The following PRTG variants were observed in gnomAD, a reference collection of about 807,000 sequenced individuals.
PRTG encodes immunoglobulin superfamily, DCC subclass, member 5.
In PRTG, 67 loss-of-function variants were observed where a neutral mutation model predicts 122.5. That is an observed-to-expected ratio of 0.55 (90% CI 0.45 to 0.67). PRTG has a LOEUF of 0.67. PRTG is among the 30% of genes least tolerant of loss of function. The probability of loss-of-function intolerance (pLI) is 0.00; values close to 1 mark genes in which losing one functional copy is unlikely to be tolerated. For missense variants in PRTG, 1,435 were observed against 1,415.4 expected, an observed-to-expected ratio of 1.01 and a Z score of -0.22; for synonymous variants, 554 against 501.1, an observed-to-expected ratio of 1.11 and a Z score of -1.41.
intron 11 of PRTG, among the ~76,000 whole-genome samples, chr15:55,669,587 C>G (rs1301901233): frequency 1.3e-5 from 2 of 152,214 alleles, no homozygotes; most frequent in East Asian, 3.8e-4. Context: ...TTGACTGCTA[C>G]AAGTTTGGCA....
At chr15:55,669,256 T>C (rs540818663) in intron 11 of PRTG, among the ~76,000 whole-genome samples, 30 of 152,256 alleles carry the variant, frequency 2.0e-4, no homozygotes, top group Non-Finnish European at 3.5e-4. Flanking sequence ...CAAATTGACA[T>C]TGAATCAGCA....
chr15:55,703,462 G>A (rs1380829861), intron 2 of PRTG, among the ~76,000 whole-genome samples: 2 of 152,032 alleles, frequency 1.3e-5, no homozygotes, highest in Non-Finnish European at 1.5e-5. Context: ...TGGGTTCCCA[G>A]GACCAGATTA....
At chr15:55,638,837 T>C (rs913462238) in intron 13 of PRTG, among the ~76,000 whole-genome samples, 161 bp from the exon 14 acceptor site, 3 of 152,196 alleles carry the variant, frequency 2.0e-5, no homozygotes, top group African/African-American at 4.8e-5. Flanking sequence ...AATTGGACTT[T>C]AAAAAATACT....
chr15:55,637,642 A>G (rs941806100), intron 14 of PRTG, among the ~76,000 whole-genome samples: 4 of 152,162 alleles, frequency 2.6e-5, no homozygotes, highest in African/African-American at 4.8e-5. Flanking sequence ...TTCCACAAAC[A>G]GCACCTGTCC....
chr15:55,612,501 C>T lies in PRTG; in HGVS notation c.*7511G>A, dbSNP rs1008559429. 16 of 151,434 alleles carry T rather than the reference C, an allele frequency of 1.1e-4. No homozygotes were observed. Among genetic ancestry groups the T allele is most frequent in the Admixed American group, 3.9e-4 (6 of 15,214 alleles). 9.4% of individuals were successfully genotyped at this position (151,434 alleles called of 1,614,324 possible). ...TCCCAACAAACCCTACATATGAACT[C>T]GAATAAACCAGAATCAGGTGCCAGT... On this transcript the variant is annotated 3_prime_UTR_variant, in exon 20 of 20. Transcript: ENST00000389286.
At position 55,637,209 on chromosome 15, in the gene PRTG, C is replaced by A. The variant is rs1393961234; in HGVS notation, c.2584G>T (p.Ala862Ser). ...RYTILYASRK[A>S]WIAGEWQVLH... is the part of the protein sequence containing the mutation. ...ACCTGCCACTCTCCTGCAATCCAGG[C>A]CTTCCTAGATGCATATAAGATAGTA... Residue 862 changes from alanine to serine, a missense_variant, in exon 15 of 20, where the codon GCC (alanine) becomes TCC (serine). Transcript: ENST00000389286. 4.3e-6 allele frequency: 7 copies of A among 1,609,876 alleles called. No homozygotes were observed. Among genetic ancestry groups the A allele is most frequent in the Admixed American group, 3.4e-5 (2 of 59,204 alleles).
intron 2 of PRTG, chr15:55,738,707 T>G: frequency 1.7e-5 from 6 of 351,780 alleles, no homozygotes; most frequent in Non-Finnish European, 2.5e-5. Flanking sequence ...TATTGGCCAA[T>G]GATTACGGGG....
intron 2 of PRTG, among the ~76,000 whole-genome samples, chr15:55,696,669 A>G (rs2059633579): frequency 6.6e-6 from 1 of 152,218 alleles, no homozygotes. Context: ...CTTAATAAAA[A>G]TAATGTAACA....
intron 2 of PRTG, among the ~76,000 whole-genome samples, chr15:55,695,087 CCTGT>C (rs1334291378): frequency 5.3e-5 from 8 of 152,136 alleles, no homozygotes; most frequent in African/African-American, 1.2e-4. Flanking sequence ...CTCCTCTTCA[CCTGT>C]CTATTTAATC....
intron 2 of PRTG, among the ~76,000 whole-genome samples, chr15:55,691,765 C>A (rs933349277): frequency 3.3e-5 from 5 of 151,556 alleles, no homozygotes; most frequent in African/African-American, 4.8e-5. Context: ...ACTGGAAGTT[C>A]AAAACTATGG....
intron 2 of PRTG, among the ~76,000 whole-genome samples, chr15:55,703,121 CAT>C (rs1418903035): frequency 1.3e-5 from 2 of 152,178 alleles, no homozygotes. Flanking sequence ...TCTTGGAATT[CAT>C]ATGTGACCAA....
rs1462837598 is a variant in PRTG at position 55,682,401 on chromosome 15, T to C, written c.639A>G (p.Arg213=). The change falls in exon 4 of 20, where the codon CGA becomes CGG. Residue 213 remains arginine, a synonymous_variant. Transcript: ENST00000389286. The stretch of plus-strand genomic sequence containing the variant: ...TTAGCGAGGCCTCCATACTTTTACG[T>C]CGGTGGGCTACAGTGGCAGCAATAC... ...YRCIAATVAH[R]RKSMEASLTV... The C allele has an allele frequency of 1.9e-6, 3 of 1,605,996 alleles. No individual in the cohort carries two copies. The highest frequency in any genetic ancestry group is 3.4e-5 in the Admixed American group (2 of 59,334).
intron 2 of PRTG, among the ~76,000 whole-genome samples, chr15:55,723,654 G>C (rs370554802): frequency 1.3e-5 from 2 of 151,254 alleles, no homozygotes; most frequent in East Asian, 1.9e-4. Flanking sequence ...ACAGTTGAGA[G>C]ACAAAAAGAG....
intron 2 of PRTG, among the ~76,000 whole-genome samples, chr15:55,715,265 C>A (rs1002743677): frequency 6.6e-6 from 1 of 152,152 alleles, no homozygotes. Context: ...TATGACAAAA[C>A]CCTTAAAAAG....
rs186526588 is a variant in PRTG at position 55,732,004 on chromosome 15, A to G, written c.397+8378T>C. On this transcript the variant is annotated intron_variant, in intron 2 of 19. Coordinates refer to ENST00000389286, the MANE Select transcript of PRTG (RefSeq NM_173814.6). ...CTCCTAGGCTACAAACCTGTGCAGC[A>G]TGTAATGGTACTGAAAAGGGCAGCA... Among the ~76,000 whole-genome samples, 4 of 152,330 alleles carry G rather than the reference A, an allele frequency of 2.6e-5. No individual in the cohort carries two copies. The South Asian group carries it at 6.2e-4, about 24-fold the overall frequency.
chr15:55,679,967 C>T, intron 6 of PRTG, 87 bp downstream of exon 6: 1 of 1,042,544 alleles, frequency 9.6e-7, no homozygotes, highest in Non-Finnish European at 1.4e-6. Context: ...TGCTACAAAG[C>T]TCAAGAAAGA....
chr15:55,627,078 C>T lies in PRTG; in HGVS notation c.2857G>A (p.Val953Ile). ...CAGGTCAAGGCTATGCCAACACCTA[C>T]AGCAATGCCAGTCATTGATTTTTGG... ...LDQKSMTGIAVGVGIALTCIL... is the reference protein window; with the variant it reads ...LDQKSMTGIAIGVGIALTCIL... The change falls in exon 17 of 20, where the codon GTA becomes ATA. Residue 953 changes from valine to isoleucine, a missense_variant. Val to Ile is a conservative substitution (Grantham distance 29). Coordinates refer to ENST00000389286, the MANE Select transcript of PRTG (RefSeq NM_173814.6). The T allele has an allele frequency of 6.2e-7, 1 of 1,609,286 alleles. No individual in the cohort carries two copies. Among genetic ancestry groups the T allele is most frequent in the Middle Eastern group, 1.7e-4 (1 of 6,046 alleles).
chr15:55,672,884 A>G (rs2059480848), intron 10 of PRTG, among the ~76,000 whole-genome samples: 1 of 152,150 alleles, frequency 6.6e-6, no homozygotes, highest in Non-Finnish European at 1.5e-5. Context: ...ATTTTTTTTC[A>G]AAGAGGCAAT....
chr15:55,736,998 C>G (rs1447183174), intron 2 of PRTG, among the ~76,000 whole-genome samples: 1 of 152,188 alleles, frequency 6.6e-6, no homozygotes, highest in African/African-American at 2.4e-5. Context: ...CACACTAATG[C>G]TTTCCTACGA....
Sources: gnomAD v4.1 joint callset for allele counts (sites outside exome capture counted in the v4.1 genomes callset) on GRCh38, gnomAD v4.1.1 for gene constraint, MANE v1.5 for transcripts, NCBI Gene and HGNC (gene_info 2026-07-23, HGNC 2026-07-21) for gene names.